ODF2: variants seen among roughly 807,000 people sequenced by gnomAD.
ODF2 encodes outer dense fiber of sperm tails 2, also known as outer dense fiber protein 2.
A neutral mutation model predicts 110.2 loss-of-function variants in ODF2; 47 were observed. The observed-to-expected ratio is 0.43, with a 90% CI of 0.34 to 0.54. ODF2 has a LOEUF of 0.54. Among genes scored for constraint, ODF2 ranks in the 20% least tolerant of loss-of-function variants. The pLI, the probability that ODF2 is intolerant of heterozygous loss-of-function variation, is 0.03. For missense variants in ODF2, 812 were observed against 1,054.5 expected, an observed-to-expected ratio of 0.77 and a Z score of 3.19; for synonymous variants, 352 against 397.7, an observed-to-expected ratio of 0.89 and a Z score of 1.37.
At position 128,485,395 on chromosome 9, in the gene ODF2, C is replaced by T. The variant is rs151225527; in HGVS notation, c.1321C>T (p.Leu441=). Residue 441 remains leucine (L), a synonymous_variant, in exon 13 of 21, where the codon CTG becomes TTG. Transcript: ENST00000604420. This position sits in a 1 kb window ranked among gnomAD's most constrained non-coding sequence, Gnocchi z 5.0. ...TTATGTCGCTGAAGCTTTATCCACT[C>T]TGGAATCCTGGAGGAGCCGCTACAA... 3.2e-4 allele frequency: 517 copies of T among 1,610,148 alleles called. No individual in the cohort carries two copies. The highest frequency in any genetic ancestry group is 6.7e-4 in the Middle Eastern group (4 of 6,010).
chr9:128,457,159 A>G lies in ODF2; in HGVS notation c.-208-39A>G, dbSNP rs751289117. The G allele has an allele frequency of 2.6e-5, 36 of 1,393,146 alleles. No homozygotes were observed. The Middle Eastern group carries it at 5.7e-4, about 22-fold the overall frequency. 86.3% of individuals were successfully genotyped at this position (1,393,146 alleles called of 1,614,324 possible). A position where few individuals can be genotyped will look rare whatever the true frequency, so the allele number is the denominator to read the frequency against. On this transcript the variant is annotated intron_variant, in intron 1 of 20. Coordinates refer to ENST00000604420, the Ensembl canonical transcript of ODF2. ...CCTCCCCTTCCTCCCCTCTGCCCCCAGGTCGCTCAGCCTCTACTATTTCCC... is the reference window on the plus strand; with the variant it reads ...CCTCCCCTTCCTCCCCTCTGCCCCCGGGTCGCTCAGCCTCTACTATTTCCC...
At chr9:128,464,354 C>T (rs1366478800) in intron 4 of ODF2, among the ~76,000 whole-genome samples, 3 of 151,706 alleles carry the variant, frequency 2.0e-5, no homozygotes, top group Non-Finnish European at 4.4e-5. Flanking sequence ...CGGGGTTTCA[C>T]CATATTGGCC....
rs896318678 is a variant in ODF2, at chr9:128,496,202, A to C, written c.2012+61A>C. On this transcript the variant is annotated intron_variant, in intron 18 of 20. Transcript: ENST00000604420. ...TAGGACCTGAGACTTTCAGCCACTT[A>C]GCTGTTTTTTGCTTAGTGTGCGGAA... is the stretch of plus-strand genomic sequence containing the variant. 2.5e-6 allele frequency: 4 copies of C among 1,608,166 alleles called. No homozygotes were observed. In the East Asian group the frequency reaches 8.9e-5, roughly 36 times the overall value.
In ODF2 at chr9:128,457,488, A is replaced by G. The variant is rs758301416; in HGVS notation, c.32+51A>G. The G allele has an allele frequency of 5.9e-6, 9 of 1,534,268 alleles. No individual in the cohort carries two copies. In the Admixed American group the frequency reaches 6.2e-5, roughly 11 times the overall value. On this transcript the variant is annotated intron_variant, in intron 2 of 20. Transcript: ENST00000604420. ...CGCCGGAGGGCAGGGAAAGGTGGCC[A>G]GGGGTCCCCAGGGCAGGCTCGCCTG...
At chr9:128,460,197 G>A (rs1018202158) in intron 3 of ODF2, 5 of 1,306,644 alleles carry the variant, frequency 3.8e-6, no homozygotes, top group Non-Finnish European at 5.0e-6. Flanking sequence ...GCTTTCCGCT[G>A]TGCTTCACTA....
chr9:128,460,252 C>T (rs1836068512), intron 3 of ODF2: 1 of 1,341,582 alleles, frequency 7.5e-7, no homozygotes, highest in Non-Finnish European at 9.8e-7. Flanking sequence ...AGAGGAGATC[C>T]AGCCCTAAGA....
At chr9:128,483,791 C>A in intron 10 of ODF2, 147 bp from the exon 11 acceptor site, 1 of 671,010 alleles carries the variant, frequency 1.5e-6, no homozygotes. Flanking sequence ...GAGGCTGAGG[C>A]GGGAGAATCG....
At chr9:128,457,447 A>T in intron 2 of ODF2, 2 of 1,608,168 alleles carry the variant, frequency 1.2e-6, no homozygotes, top group Non-Finnish European at 1.7e-6. Flanking sequence ...GGTATTGCCG[A>T]TGTGGGAGGC....
exon 21 of ODF2, chr9:128,500,069 G>A (rs774586408): frequency 2.4e-5 from 38 of 1,614,050 alleles, no homozygotes; most frequent in Middle Eastern, 3.3e-4. Context: ...CTCGTTAGGC[G>A]GACCGCCGCT....
intron 4 of ODF2, 42 bp from the exon 5 acceptor site, chr9:128,469,141 T>G: frequency 6.3e-7 from 1 of 1,596,124 alleles, no homozygotes; most frequent in Non-Finnish European, 8.6e-7. Context: ...TGGTCAAGGT[T>G]CTGCCTTCTG....
intron 3 of ODF2, chr9:128,460,142 C>G: frequency 7.7e-7 from 1 of 1,296,122 alleles, no homozygotes; most frequent in South Asian, 1.2e-5. Flanking sequence ...TTTCCCACGC[C>G]AATCTGCATG....
chr9:128,498,945 C>G (rs1846100246), intron 19 of ODF2, 56 bp from the exon 20 acceptor site: 8 of 1,607,256 alleles, frequency 5.0e-6, no homozygotes, highest in Non-Finnish European at 6.8e-6. Flanking sequence ...TTCTCTTTGC[C>G]AAGTGTTCCC....
intron 8 of ODF2, among the ~76,000 whole-genome samples, chr9:128,479,197 C>T (rs1588886148): frequency 6.6e-6 from 1 of 152,254 alleles, no homozygotes; most frequent in South Asian, 2.1e-4. Context: ...CCAGAGAGCC[C>T]TTTTCTCTGG....
At chr9:128,459,390 C>T (rs938407671) in intron 2 of ODF2, among the ~76,000 whole-genome samples, 177 bp from the exon 2 acceptor site, 2 of 152,234 alleles carry the variant, frequency 1.3e-5, no homozygotes, top group Admixed American at 1.3e-4. Flanking sequence ...TTCCATCCCA[C>T]TGCTGGGCAC....
At chr9:128,456,168 C>G (rs892413842) in exon 1 of ODF2, 2 of 1,549,302 alleles carry the variant, frequency 1.3e-6, no homozygotes, top group Admixed American at 3.9e-5. Context: ...AGACTGCATC[C>G]GCCGCGGCGT....
At chr9:128,471,388 C>T (rs1319957124) in exon 6 of ODF2, 12 of 1,613,096 alleles carry the variant, frequency 7.4e-6, no homozygotes, top group East Asian at 4.5e-5. Flanking sequence ...AGGTGGCCCA[C>T]GAACTGGCTG....
At chr9:128,458,858 GT>G (rs1835659822) in intron 2 of ODF2, among the ~76,000 whole-genome samples, 1 of 151,718 alleles carries the variant, frequency 6.6e-6, no homozygotes, top group Admixed American at 6.6e-5. Context: ...TTTTGTTGTT[GT>G]TTTGAAACGG....
At chr9:128,498,660 G>A in intron 19 of ODF2, 85 bp downstream of exon 19, 1 of 788,076 alleles carries the variant, frequency 1.3e-6, no homozygotes, top group Non-Finnish European at 2.1e-6. Flanking sequence ...TCTGAAAAAT[G>A]GGCACACAGT....
rs1836211598 is a variant in ODF2 at position 128,460,683 on chromosome 9, G to A, written c.124-259G>A. On this transcript the variant is annotated intron_variant, in intron 3 of 20. Coordinates refer to ENST00000604420, the Ensembl canonical transcript of ODF2. ...AGCAGCCAGGTAGGAGCATGCCAGT[G>A]GGGCGAGGTAGTAGCTGTGGATCTG... 1.2e-6 allele frequency: 2 copies of A among 1,613,734 alleles called. No homozygotes were observed. Among genetic ancestry groups the A allele is most frequent in the Non-Finnish European group, 1.7e-6 (2 of 1,179,860 alleles).
Sources: allele counts gnomAD v4.1 joint callset (sites outside exome capture counted in the v4.1 genomes callset), GRCh38; gene constraint gnomAD v4.1.1; non-coding constraint Gnocchi (gnomAD v3.1); transcripts MANE v1.5; gene names NCBI Gene and HGNC (gene_info 2026-07-23, HGNC 2026-07-21).